The following FTO variants were observed in gnomAD, a reference collection of about 807,000 sequenced individuals.
The protein encoded by FTO is FTO alpha-ketoglutarate dependent dioxygenase.
In FTO, 47 loss-of-function variants were observed where a neutral mutation model predicts 63.9. The observed-to-expected ratio is 0.74, with a 90% CI of 0.58 to 0.94. FTO has a LOEUF of 0.94. FTO is among the 40% of genes least tolerant of loss of function. The pLI is 0.00. For synonymous variants in FTO, 207 were observed against 224.4 expected (o/e 0.92, Z 0.69); for missense variants, 562 against 618.1 (o/e 0.91, Z 0.96).
chr16:53,785,192 T>C (rs916372105), intron 1 of FTO, among the ~76,000 whole-genome samples: 2 of 152,198 alleles, frequency 1.3e-5, no homozygotes, highest in Non-Finnish European at 2.9e-5. Context: ...CTCACATCAC[T>C]GTCTGGGGAG....
intron 1 of FTO, among the ~76,000 whole-genome samples, chr16:53,770,045 ACTCAT>A (rs2077298224): frequency 6.6e-6 from 1 of 152,076 alleles, no homozygotes; most frequent in African/African-American, 2.4e-5. Context: ...AACAGCTGCC[ACTCAT>A]CTCAGCCACA....
chr16:53,974,864 C>T (rs2083400564), intron 8 of FTO, among the ~76,000 whole-genome samples: 2 of 152,126 alleles, frequency 1.3e-5, no homozygotes, highest in African/African-American at 4.8e-5. Context: ...AAGTTACATC[C>T]AGAAATGTCA....
At chr16:53,910,226 G>A (rs1392633736) in intron 7 of FTO, among the ~76,000 whole-genome samples, 6 of 152,136 alleles carry the variant, frequency 3.9e-5, no homozygotes, top group Non-Finnish European at 2.9e-5. Flanking sequence ...GTACCTAGGT[G>A]GGGTAGAACT....
rs565173562 is a variant in FTO, at chr16:53,859,198, C to T, written c.896-14588C>T. On this transcript the variant is annotated intron_variant, in intron 4 of 8. Coordinates refer to ENST00000471389, the MANE Select transcript of FTO (RefSeq NM_001080432.3). Reference sequence around the variant, plus strand: ...CACTTCTGCCCACAGTTCCACTAAACTGTGAAGACCAGAATCTCTCAAAGT... The same window carrying T: ...CACTTCTGCCCACAGTTCCACTAAATTGTGAAGACCAGAATCTCTCAAAGT... Among the ~76,000 whole-genome samples, 6 of 152,230 alleles carry T rather than the reference C, an allele frequency of 3.9e-5. No individual in the cohort carries two copies. In the South Asian group the frequency reaches 1.2e-3, roughly 32 times the overall value.
At chr16:53,832,596 A>G (rs1334590475) in intron 3 of FTO, among the ~76,000 whole-genome samples, 1 of 152,158 alleles carries the variant, frequency 6.6e-6, no homozygotes, top group Non-Finnish European at 1.5e-5. Flanking sequence ...GGCATTTTCT[A>G]GAATTTTAAC....
At chr16:53,747,974 A>C (rs746780630) in intron 1 of FTO, among the ~76,000 whole-genome samples, 1 of 152,096 alleles carries the variant, frequency 6.6e-6, no homozygotes, top group Non-Finnish European at 1.5e-5. Flanking sequence ...ACATACATGC[A>C]TGGGTTCATT....
intron 8 of FTO, among the ~76,000 whole-genome samples, chr16:53,971,225 T>C (rs1255437630): frequency 2.6e-5 from 4 of 152,234 alleles, no homozygotes; most frequent in Non-Finnish European, 5.9e-5. Flanking sequence ...TTATAAGTAA[T>C]GCTGCAATTA....
chr16:54,096,833 G>A (rs1314998644), intron 8 of FTO, among the ~76,000 whole-genome samples: 1 of 152,098 alleles, frequency 6.6e-6, no homozygotes, highest in Non-Finnish European at 1.5e-5. Context: ...ACCTCCCAAA[G>A]GCCGACCTTC....
chr16:53,750,613 T>C (rs1257923726), intron 1 of FTO, among the ~76,000 whole-genome samples: 1 of 152,234 alleles, frequency 6.6e-6, no homozygotes, highest in Non-Finnish European at 1.5e-5. Flanking sequence ...AGGGGCCATA[T>C]GTGGCCTGCA....
intron 1 of FTO, among the ~76,000 whole-genome samples, chr16:53,718,990 C>G (rs1366510649): frequency 1.3e-5 from 2 of 152,088 alleles, no homozygotes; most frequent in African/African-American, 4.8e-5. Flanking sequence ...ATAATTCAAG[C>G]TACAGTTTGT....
chr16:53,897,062 A>C lies in FTO; in HGVS notation c.1239+8111A>C, dbSNP rs2081295194. Among the ~76,000 whole-genome samples the C allele has an allele frequency of 2.0e-5, 3 of 152,180 alleles. No individual in the cohort carries two copies. The South Asian group carries it at 6.2e-4, about 31-fold the overall frequency. ...CCCTCCTCATTGACATCTGCAAAAT[A>C]ATGACCCTTTTTTAACCAAAGGGAA... On this transcript the variant is annotated intron_variant, in intron 7 of 8. Coordinates refer to ENST00000471389, the MANE Select transcript of FTO (RefSeq NM_001080432.3).
intron 1 of FTO, among the ~76,000 whole-genome samples, chr16:53,722,527 T>A (rs1463839665): frequency 6.6e-6 from 1 of 152,130 alleles, no homozygotes; most frequent in African/African-American, 2.4e-5. Context: ...AAATATTTTG[T>A]TTAGAAAATG....
chr16:53,886,684 C>T (rs570532176), intron 6 of FTO, among the ~76,000 whole-genome samples: 1 of 152,318 alleles, frequency 6.6e-6, no homozygotes, highest in South Asian at 2.1e-4. Flanking sequence ...AGCAAACAAA[C>T]ATTTAGTTAA....
rs1201114585 is a variant in FTO, at chr16:54,117,714, C to T, written c.*5799C>T. 1 of 152,106 alleles carries T rather than the reference C, an allele frequency of 6.6e-6. No individual in the cohort carries two copies. The highest frequency in any genetic ancestry group is 2.4e-5 in the African/African-American group (1 of 41,422). 9.4% of individuals were successfully genotyped at this position (152,106 alleles called of 1,614,324 possible). ...TATTATGAAAAATGATGTTTTAGGA[C>T]TCTCATTTCTACAGTGGGAGTAGGT... On this transcript the variant is annotated 3_prime_UTR_variant, in exon 9 of 9. Coordinates refer to ENST00000471389, the MANE Select transcript of FTO (RefSeq NM_001080432.3).
intron 2 of FTO, among the ~76,000 whole-genome samples, chr16:53,822,757 TA>T (rs543121739): frequency 6.6e-4 from 100 of 152,276 alleles, no homozygotes; most frequent in African/African-American, 2.4e-3. Context: ...CATTTTATAT[TA>T]AAAATAAAGC....
At chr16:53,976,334 A>G (rs1446382583) in intron 8 of FTO, among the ~76,000 whole-genome samples, 3 of 152,194 alleles carry the variant, frequency 2.0e-5, no homozygotes, top group African/African-American at 7.2e-5. Context: ...TAACTTTATT[A>G]TTAGGTTTTC....
chr16:54,088,038 A>G (rs1188089778), intron 8 of FTO, among the ~76,000 whole-genome samples: 15 of 152,202 alleles, frequency 9.9e-5, no homozygotes, highest in African/African-American at 3.1e-4. Flanking sequence ...TAACTGTACA[A>G]GTAATGCACA....
intron 8 of FTO, among the ~76,000 whole-genome samples, chr16:53,954,604 G>A (rs1216559122): frequency 6.6e-6 from 1 of 152,130 alleles, no homozygotes; most frequent in Non-Finnish European, 1.5e-5. Context: ...CATTCAGGAA[G>A]GGTGCTGGTG....
At chr16:53,705,871 A>G (rs2075605630) in intron 1 of FTO, among the ~76,000 whole-genome samples, 1 of 152,236 alleles carries the variant, frequency 6.6e-6, no homozygotes, top group African/African-American at 2.4e-5. Flanking sequence ...AGTTGGGATT[A>G]TAATTTTGGC....
Sources: gnomAD v4.1 joint callset for allele counts (sites outside exome capture counted in the v4.1 genomes callset) on GRCh38, gnomAD v4.1.1 for gene constraint, MANE v1.5 for transcripts, NCBI Gene and HGNC (gene_info 2026-07-23, HGNC 2026-07-21) for gene names.